The following PSMD14 variants were observed in gnomAD, a reference collection of about 807,000 sequenced individuals.
PSMD14 encodes the protein ubiquitin C-terminal hydrolase PSMD14.
In PSMD14, 7 loss-of-function variants were observed where a neutral mutation model predicts 41.2. The ratio of observed to expected loss-of-function variants is 0.17; its 90% CI spans 0.10 to 0.32. The LOEUF is 0.32. PSMD14 is among the 10% of genes least tolerant of loss of function. PSMD14 has a pLI of 1.00. For missense variants in PSMD14, 139 were observed against 375.6 expected, an observed-to-expected ratio of 0.37 and a Z score of 5.21; for synonymous variants, 114 against 122.3, an observed-to-expected ratio of 0.93 and a Z score of 0.45.
At chr2:161,327,891 A>ATTAATTCC (rs1682723423) in intron 3 of PSMD14, among the ~76,000 whole-genome samples, 1 of 150,296 alleles carries the variant, frequency 6.7e-6, no homozygotes, top group Non-Finnish European at 1.5e-5. Context: ...AAAACAAACA[A>ATTAATTCC]ACCTGTGGAA....
intron 3 of PSMD14, among the ~76,000 whole-genome samples, chr2:161,342,083 A>T (rs1010861608): frequency 6.6e-6 from 1 of 152,084 alleles, no homozygotes; most frequent in Non-Finnish European, 1.5e-5. Context: ...TATGTTTTGC[A>T]TGTGGATATC....
At chr2:161,403,586 A>G (rs192834970) in intron 10 of PSMD14, among the ~76,000 whole-genome samples, 1 of 152,296 alleles carries the variant, frequency 6.6e-6, no homozygotes, top group African/African-American at 2.4e-5. Flanking sequence ...GCTTTTAAAA[A>G]GCCTTTGATG....
At chr2:161,343,750 C>A (rs1683000803) in intron 3 of PSMD14, among the ~76,000 whole-genome samples, 1 of 152,026 alleles carries the variant, frequency 6.6e-6, no homozygotes, top group Non-Finnish European at 1.5e-5. Flanking sequence ...ATCGCTTGAG[C>A]CTGGGAAGTG....
intron 1 of PSMD14, among the ~76,000 whole-genome samples, chr2:161,315,794 A>G (rs1166406345): frequency 1.3e-5 from 2 of 151,804 alleles, no homozygotes; most frequent in Non-Finnish European, 2.9e-5. Flanking sequence ...ATGACATGAT[A>G]GAATGAATTG....
At chr2:161,367,166 A>G (rs771070792) in intron 3 of PSMD14, among the ~76,000 whole-genome samples, 3 of 152,236 alleles carry the variant, frequency 2.0e-5, no homozygotes, top group Non-Finnish European at 2.9e-5. Flanking sequence ...AGCATTTCAC[A>G]TATACACACT....
intron 3 of PSMD14, among the ~76,000 whole-genome samples, chr2:161,342,747 T>C (rs186733913): frequency 1.2e-3 from 177 of 152,308 alleles, no homozygotes; most frequent in African/African-American, 4.1e-3. Context: ...TTAATAATTT[T>C]CTCATTTGTT....
Position 161,346,668 on chromosome 2 carries a change from C to A in PSMD14, c.49-20810C>A, listed in dbSNP as rs919198717. ...AACTGTTTGATTCTTTCTAGTTTTGCTTTTAACCCTTGCTAGTTAAGACTG... is the reference window on the plus strand; with the variant it reads ...AACTGTTTGATTCTTTCTAGTTTTGATTTTAACCCTTGCTAGTTAAGACTG... On this transcript the variant is annotated intron_variant, in intron 3 of 11. Transcript: ENST00000409682. Among the ~76,000 whole-genome samples the A allele has an allele frequency of 2.0e-5, 3 of 151,406 alleles. No homozygotes were observed. In the East Asian group the frequency reaches 5.8e-4, roughly 29 times the overall value.
At chr2:161,377,879 TGTGCCAAGA>T (rs773148317) in intron 7 of PSMD14, among the ~76,000 whole-genome samples, 16 of 151,950 alleles carry the variant, frequency 1.1e-4, no homozygotes, top group Non-Finnish European at 2.1e-4. Flanking sequence ...ATCACTACTT[TGTGCCAAGA>T]GTACATTGGA....
intron 3 of PSMD14, among the ~76,000 whole-genome samples, chr2:161,344,386 C>A (rs1191494190): frequency 6.6e-6 from 1 of 152,128 alleles, no homozygotes; most frequent in Non-Finnish European, 1.5e-5. Flanking sequence ...CTTGTTGTAT[C>A]CTCGCATAGC....
intron 7 of PSMD14, among the ~76,000 whole-genome samples, chr2:161,371,606 A>C (rs975882778): frequency 3.3e-5 from 5 of 152,162 alleles, no homozygotes; most frequent in Admixed American, 3.3e-4. Context: ...CCATACTCAA[A>C]GCCTGCTATA....
At chr2:161,319,122 T>C in intron 3 of PSMD14, 1 of 333,622 alleles carries the variant, frequency 3.0e-6, no homozygotes, top group Non-Finnish European at 5.4e-6. Flanking sequence ...TTTTGAGATA[T>C]GTAGGATTAT....
At chr2:161,310,124 T>C (rs1689071579) in intron 1 of PSMD14, among the ~76,000 whole-genome samples, 2 of 152,184 alleles carry the variant, frequency 1.3e-5, no homozygotes, top group African/African-American at 4.8e-5. Flanking sequence ...GCACTCCAGC[T>C]TGGGCAACAG....
chr2:161,377,032 G>A (rs929904038), intron 7 of PSMD14, among the ~76,000 whole-genome samples: 2 of 151,048 alleles, frequency 1.3e-5, no homozygotes, highest in African/African-American at 2.4e-5. Context: ...CAGTTAGCCA[G>A]TTTACTCATG....
At chr2:161,354,922 C>T (rs1190679259) in intron 3 of PSMD14, among the ~76,000 whole-genome samples, 3 of 152,166 alleles carry the variant, frequency 2.0e-5, no homozygotes, top group Non-Finnish European at 2.9e-5. Context: ...TCTCAAAATA[C>T]TGGCTGTAGG....
At chr2:161,334,288 A>T (rs1251508773) in intron 3 of PSMD14, among the ~76,000 whole-genome samples, 1 of 152,198 alleles carries the variant, frequency 6.6e-6, no homozygotes. Context: ...TTGAGCCAAG[A>T]TGGCACCATT....
intron 10 of PSMD14, among the ~76,000 whole-genome samples, chr2:161,399,710 G>T (rs1683849870): frequency 6.6e-6 from 1 of 152,006 alleles, no homozygotes; most frequent in African/African-American, 2.4e-5. Context: ...AAAATAAATA[G>T]AAAAATATTT....
intron 3 of PSMD14, among the ~76,000 whole-genome samples, chr2:161,349,500 T>C (rs1463087978): frequency 1.3e-5 from 2 of 152,230 alleles, no homozygotes; most frequent in Non-Finnish European, 2.9e-5. Context: ...TGGTAGTCTT[T>C]CCTAGTGTGG....
intron 3 of PSMD14, among the ~76,000 whole-genome samples, chr2:161,362,348 T>A (rs1683300644): frequency 6.6e-6 from 1 of 152,250 alleles, no homozygotes; most frequent in Non-Finnish European, 1.5e-5. Flanking sequence ...CCCTCCTGCC[T>A]ATATAGTTAC....
chr2:161,348,035 C>A (rs1488949398), intron 3 of PSMD14, among the ~76,000 whole-genome samples: 1 of 152,088 alleles, frequency 6.6e-6, no homozygotes, highest in East Asian at 1.9e-4. Context: ...GCAAAAGATA[C>A]AAACATTAGT....
Sources: allele counts gnomAD v4.1 joint callset (sites outside exome capture counted in the v4.1 genomes callset), GRCh38; gene constraint gnomAD v4.1.1; transcripts MANE v1.5; gene names NCBI Gene and HGNC (gene_info 2026-07-23, HGNC 2026-07-21).